The following NR6A1 variants were observed in gnomAD, a reference collection of about 807,000 sequenced individuals.
The protein encoded by NR6A1 is retinoic acid receptor-related testis-associated receptor.
NR6A1 carries 7 observed loss-of-function variants against 59.1 expected under a neutral mutation model. The ratio of observed to expected loss-of-function variants is 0.12; its 90% CI spans 0.07 to 0.22. The LOEUF is 0.22. NR6A1 is among the 10% of genes least tolerant of loss of function. NR6A1 has a pLI of 1.00. For missense variants in NR6A1, 468 were observed against 611.6 expected (o/e 0.77, Z 2.48); for synonymous variants, 243 against 236.1 (o/e 1.03, Z -0.27).
At chr9:124,652,068 G>A (rs1837122578) in intron 2 of NR6A1, among the ~76,000 whole-genome samples, 1 of 151,750 alleles carries the variant, frequency 6.6e-6, no homozygotes, top group African/African-American at 2.4e-5. Context: ...CTAACCTCCT[G>A]TTTTTTATTG....
intron 1 of NR6A1, among the ~76,000 whole-genome samples, chr9:124,756,452 T>G (rs1378772304): frequency 6.6e-6 from 1 of 152,252 alleles, no homozygotes; most frequent in East Asian, 1.9e-4. Context: ...TAACAATGTC[T>G]AAAGACTACT....
chr9:124,550,917 T>A (rs577854986), intron 3 of NR6A1, among the ~76,000 whole-genome samples: 1 of 152,364 alleles, frequency 6.6e-6, no homozygotes, highest in South Asian at 2.1e-4. Flanking sequence ...CCTTTCGGTA[T>A]GAACTCATGG....
At chr9:124,542,692 C>T (rs997278814) in intron 4 of NR6A1, among the ~76,000 whole-genome samples, 3 of 152,160 alleles carry the variant, frequency 2.0e-5, no homozygotes, top group African/African-American at 4.8e-5. Flanking sequence ...TTGGCTCATA[C>T]CAGTAACAAT....
At chr9:124,723,118 T>A (rs1314736321) in intron 2 of NR6A1, among the ~76,000 whole-genome samples, 1 of 152,096 alleles carries the variant, frequency 6.6e-6, no homozygotes, top group Admixed American at 6.6e-5. Flanking sequence ...ATATGCTATA[T>A]CATTTATATA....
At chr9:124,551,347 T>C (rs1425758432) in intron 3 of NR6A1, among the ~76,000 whole-genome samples, 1 of 152,244 alleles carries the variant, frequency 6.6e-6, no homozygotes, top group African/African-American at 2.4e-5. Flanking sequence ...ATTGATACAC[T>C]GATTCCAATC....
intron 6 of NR6A1, 117 bp downstream of exon 6, chr9:124,537,975 G>A (rs967107400): frequency 1.1e-5 from 8 of 752,128 alleles, no homozygotes; most frequent in Non-Finnish European, 1.5e-5. Context: ...TGACACTTGA[G>A]TCATTATCCC....
At chr9:124,538,441 A>AG (rs1354804331) in intron 5 of NR6A1, 122 bp from the exon 6 acceptor site, 23 of 676,372 alleles carry the variant, frequency 3.4e-5, no homozygotes, top group Non-Finnish European at 5.3e-5. Context: ...TCATCAAGCC[A>AG]GGGGGCATAA....
chr9:124,755,517 T>C (rs1049215310), intron 1 of NR6A1, among the ~76,000 whole-genome samples: 1 of 152,210 alleles, frequency 6.6e-6, no homozygotes, highest in Admixed American at 6.5e-5. Context: ...TGCTGGACTC[T>C]TCAGGGATTT....
At chr9:124,618,068 G>C (rs1039833901) in intron 2 of NR6A1, among the ~76,000 whole-genome samples, 2 of 152,186 alleles carry the variant, frequency 1.3e-5, no homozygotes, top group African/African-American at 4.8e-5. Context: ...TTGAAAGAAA[G>C]AATGGAAAGG....
intron 2 of NR6A1, among the ~76,000 whole-genome samples, chr9:124,592,138 AATCAAACATGATTGCAGCGAT>A (rs1192619776): frequency 6.6e-6 from 1 of 152,194 alleles, no homozygotes; most frequent in Non-Finnish European, 1.5e-5. Flanking sequence ...AAGGATGCTA[AATCAAACATGATTGCAGCGAT>A]GTTTGTGTGT....
intron 2 of NR6A1, among the ~76,000 whole-genome samples, chr9:124,596,577 C>T (rs1267457894): frequency 6.6e-6 from 1 of 152,180 alleles, no homozygotes; most frequent in African/African-American, 2.4e-5. Context: ...AATTTCACCA[C>T]CCCCAATCCT....
At chr9:124,703,536 G>C in intron 2 of NR6A1, among the ~76,000 whole-genome samples, 1 of 152,048 alleles carries the variant, frequency 6.6e-6, no homozygotes. Context: ...AATGTTTGTC[G>C]ACACTTGGTA....
chr9:124,651,988 C>T (rs74880777), intron 2 of NR6A1, among the ~76,000 whole-genome samples: 1,746 of 152,116 alleles, frequency 0.011, 32 homozygotes, highest in African/African-American at 0.04. Flanking sequence ...AAACGATGTC[C>T]AAGTAACGGC....
chr9:124,770,771 G>A (rs939839825), intron 1 of NR6A1, among the ~76,000 whole-genome samples: 2 of 149,372 alleles, frequency 1.3e-5, no homozygotes, highest in Admixed American at 1.3e-4. Flanking sequence ...TCGGTGCCCA[G>A]GGACCCGGGC....
chr9:124,624,904 G>C (rs1379054729), intron 2 of NR6A1, among the ~76,000 whole-genome samples: 3 of 138,272 alleles, frequency 2.2e-5, no homozygotes, highest in Non-Finnish European at 4.5e-5. Flanking sequence ...TTTTTCTGTT[G>C]CTAGCTTGTT....
intron 1 of NR6A1, among the ~76,000 whole-genome samples, chr9:124,768,296 T>C (rs1840996088): frequency 1.3e-5 from 2 of 152,174 alleles, no homozygotes; most frequent in South Asian, 4.1e-4. Context: ...AAACAGATAA[T>C]TCATTTCTTT....
intron 2 of NR6A1, among the ~76,000 whole-genome samples, chr9:124,594,854 G>C (rs904248932): frequency 6.6e-6 from 1 of 152,174 alleles, no homozygotes; most frequent in Non-Finnish European, 1.5e-5. Flanking sequence ...TGTTAGCCAC[G>C]CTGCAAGAGG....
At chr9:124,708,452 A>G (rs12003875) in intron 2 of NR6A1, among the ~76,000 whole-genome samples, 2,316 of 152,300 alleles carry the variant, frequency 0.015, 25 homozygotes, top group Middle Eastern at 0.068. Context: ...TTGGGGAGAG[A>G]GAATTTTTTG....
intron 2 of NR6A1, among the ~76,000 whole-genome samples, chr9:124,727,385 A>G (rs1340836775): frequency 2.0e-5 from 3 of 152,260 alleles, no homozygotes; most frequent in African/African-American, 7.2e-5. Flanking sequence ...AATACTTAAA[A>G]TGGCATAATA....
Sources: allele counts gnomAD v4.1 joint callset (sites outside exome capture counted in the v4.1 genomes callset), GRCh38; gene constraint gnomAD v4.1.1; transcripts MANE v1.5; gene names NCBI Gene and HGNC (gene_info 2026-07-23, HGNC 2026-07-21).